Variants in THSD4 observed in about 807,000 individuals in gnomAD.
THSD4 encodes the protein thrombospondin type-1 domain-containing protein 4.
In THSD4, 69 loss-of-function variants were observed where a neutral mutation model predicts 119.0. That is an observed-to-expected ratio of 0.58 (90% confidence interval 0.48 to 0.71). The LOEUF is 0.71. Among genes scored for constraint, THSD4 ranks in the 30% least tolerant of loss-of-function variants. The pLI is 0.00. For synonymous variants in THSD4, 524 were observed against 540.4 expected (o/e 0.97, Z 0.42); for missense variants, 1,393 against 1,391.1 (o/e 1.00, Z -0.02).
chr15:71,410,794 G>A (rs371336407), intron 6 of THSD4, among the ~76,000 whole-genome samples: 1 of 152,190 alleles, frequency 6.6e-6, no homozygotes. Flanking sequence ...CACTTTGGGA[G>A]GCCGAGGTGG....
At chr15:71,687,744 A>T (rs1009676611) in intron 8 of THSD4, among the ~76,000 whole-genome samples, 20 of 125,388 alleles carry the variant, frequency 1.6e-4, no homozygotes, top group Non-Finnish European at 3.0e-4. Flanking sequence ...AACAAGAGTG[A>T]AACTCTGTCT....
At chr15:71,639,197 G>A (rs1478582366) in intron 7 of THSD4, among the ~76,000 whole-genome samples, 1 of 152,152 alleles carries the variant, frequency 6.6e-6, no homozygotes, top group East Asian at 1.9e-4. Context: ...CATCAATAAT[G>A]GCTAACAGAA....
intron 14 of THSD4, among the ~76,000 whole-genome samples, chr15:71,751,882 T>G (rs2053454528): frequency 6.6e-6 from 1 of 152,200 alleles, no homozygotes; most frequent in Admixed American, 6.5e-5. Flanking sequence ...CAGTAAGTGT[T>G]CTTGTGCATA....
intron 6 of THSD4, among the ~76,000 whole-genome samples, chr15:71,283,267 C>A (rs1472860077): frequency 6.6e-6 from 1 of 152,162 alleles, no homozygotes; most frequent in Non-Finnish European, 1.5e-5. Flanking sequence ...TCGCGCCCGG[C>A]CAGGTCAGAT....
intron 3 of THSD4, among the ~76,000 whole-genome samples, chr15:71,213,283 T>G (rs1646550067): frequency 6.6e-6 from 1 of 152,174 alleles, no homozygotes; most frequent in Non-Finnish European, 1.5e-5. Flanking sequence ...CTTCCATGTC[T>G]TATAAGGGCA....
At chr15:71,466,966 C>T (rs1406482213) in intron 7 of THSD4, among the ~76,000 whole-genome samples, 3 of 152,232 alleles carry the variant, frequency 2.0e-5, no homozygotes, top group South Asian at 2.1e-4. Context: ...ACCTCTAATC[C>T]GGTGTCCCCT....
In THSD4 at chr15:71,217,232, C is replaced by A. The variant is rs541999930; in HGVS notation, c.464+1833C>A. 3.5e-3 allele frequency among the ~76,000 whole-genome samples: 539 copies of A among 152,256 alleles called. 3 individuals are homozygous for A. Among genetic ancestry groups the A allele is most frequent in the African/African-American group, 0.012 (489 of 41,548 alleles). ...GTCGTATGGGACAGCATCCCATAAT[C>A]AAACACATTATTATTTCTGCAATGA... On this transcript the variant is annotated intron_variant, in intron 4 of 17. Transcript: ENST00000261862.
intron 7 of THSD4, among the ~76,000 whole-genome samples, chr15:71,472,438 C>G (rs1188683049): frequency 1.3e-5 from 2 of 152,024 alleles, no homozygotes; most frequent in African/African-American, 4.8e-5. Context: ...TGTGAAAGGC[C>G]CATCTGAGCA....
intron 6 of THSD4, among the ~76,000 whole-genome samples, chr15:71,385,910 AAAC>A (rs2046288707): frequency 6.6e-6 from 1 of 152,188 alleles, no homozygotes; most frequent in Non-Finnish European, 1.5e-5. Context: ...TAACACCAGG[AAAC>A]AACAATTTAT....
intron 7 of THSD4, among the ~76,000 whole-genome samples, chr15:71,567,802 T>C (rs1484925399): frequency 6.6e-6 from 1 of 151,974 alleles, no homozygotes; most frequent in Non-Finnish European, 1.5e-5. Context: ...TGTTTGTAGG[T>C]GTGTGTGGGT....
intron 6 of THSD4, among the ~76,000 whole-genome samples, chr15:71,297,564 G>A (rs1596321511): frequency 6.6e-6 from 1 of 152,254 alleles, no homozygotes; most frequent in Non-Finnish European, 1.5e-5. Flanking sequence ...TTGAACTCCT[G>A]ACCTTGTGAT....
chr15:71,671,023 G>C (rs558939179), intron 8 of THSD4, among the ~76,000 whole-genome samples: 1 of 151,992 alleles, frequency 6.6e-6, no homozygotes, highest in Admixed American at 6.6e-5. Context: ...CCCAGTAATG[G>C]AATGGCTGGG....
At chr15:71,191,137 G>A (rs1179898007) in intron 3 of THSD4, among the ~76,000 whole-genome samples, 1 of 151,922 alleles carries the variant, frequency 6.6e-6, no homozygotes, top group African/African-American at 2.4e-5. Context: ...GCCTTCTCCT[G>A]CTCCTTAGTG....
At chr15:71,227,835 C>A (rs759697410) in intron 4 of THSD4, among the ~76,000 whole-genome samples, 2 of 152,166 alleles carry the variant, frequency 1.3e-5, no homozygotes. Flanking sequence ...ACATGGCCTG[C>A]CTGTTGGTTC....
At chr15:71,204,221 A>G (rs2043825783) in intron 3 of THSD4, among the ~76,000 whole-genome samples, 1 of 152,194 alleles carries the variant, frequency 6.6e-6, no homozygotes, top group African/African-American at 2.4e-5. Flanking sequence ...TACAGTTTCC[A>G]TGTGGCTGGT....
At chr15:71,722,133 T>C (rs1225590859) in intron 8 of THSD4, among the ~76,000 whole-genome samples, 1 of 152,184 alleles carries the variant, frequency 6.6e-6, no homozygotes, top group East Asian at 1.9e-4. Flanking sequence ...TGCACCTTTT[T>C]GTGAGGTAGT....
chr15:71,102,056 C>T (rs898021051), intron 1 of THSD4, among the ~76,000 whole-genome samples: 2 of 152,072 alleles, frequency 1.3e-5, no homozygotes, highest in African/African-American at 2.4e-5. Flanking sequence ...TATTCTACTT[C>T]CCTCCAGCTT....
intron 6 of THSD4, among the ~76,000 whole-genome samples, chr15:71,275,999 C>G (rs1004606366): frequency 2.6e-5 from 4 of 152,254 alleles, no homozygotes; most frequent in African/African-American, 9.6e-5. Flanking sequence ...GACTAATACA[C>G]TGTCCTTCCC....
chr15:71,218,198 G>A (rs935839086), intron 4 of THSD4, among the ~76,000 whole-genome samples: 3 of 152,180 alleles, frequency 2.0e-5, no homozygotes, highest in South Asian at 4.1e-4. Context: ...CTCTAAGGAC[G>A]TGACCTGATG....
Sources: allele counts gnomAD v4.1 joint callset (sites outside exome capture counted in the v4.1 genomes callset), GRCh38; gene constraint gnomAD v4.1.1; transcripts MANE v1.5; gene names NCBI Gene and HGNC (gene_info 2026-07-23, HGNC 2026-07-21).